Variants in DLGAP2 observed in about 807,000 individuals in gnomAD.
DLGAP2 encodes disks large-associated protein 2.
DLGAP2 carries 26 observed loss-of-function variants against 100.3 expected under a neutral mutation model. The observed-to-expected ratio is 0.26, with a 90% CI of 0.19 to 0.36. DLGAP2 has a LOEUF of 0.36. Ranked by LOEUF, DLGAP2 falls within the 10% of genes least tolerant of loss-of-function variation. DLGAP2 has a pLI of 1.00. For synonymous variants in DLGAP2, 886 were observed against 630.1 expected, an observed-to-expected ratio of 1.41 and a Z score of -6.08; for missense variants, 1,858 against 1,453.2, an observed-to-expected ratio of 1.28 and a Z score of -4.53.
chr8:1,105,341 T>A (rs1478321083), intron 2 of DLGAP2, among the ~76,000 whole-genome samples: 1 of 152,232 alleles, frequency 6.6e-6, no homozygotes, highest in Non-Finnish European at 1.5e-5. Context: ...TCTCATGTTG[T>A]GGGGATTAAC....
chr8:780,233 A>G lies in DLGAP2; in HGVS notation c.18+42408A>G, dbSNP rs138509211. Among the ~76,000 whole-genome samples the G allele has an allele frequency of 6.7e-3, 1,015 of 152,150 alleles. 9 individuals carry two copies. The highest frequency in any genetic ancestry group is 0.023 in the African/African-American group (956 of 41,480). On this transcript the variant is annotated intron_variant, in intron 1 of 14. Transcript: ENST00000637795. ...TTTTCAGATTCCACATATCCGTGAG[A>G]TCATGAGGCATCTGTCTTTATGTGC...
intron 2 of DLGAP2, among the ~76,000 whole-genome samples, chr8:1,218,795 C>G (rs1454943252): frequency 1.3e-5 from 2 of 152,006 alleles, no homozygotes; most frequent in Non-Finnish European, 2.9e-5. Context: ...TGTTTCATCT[C>G]TAATATCTTT....
chr8:1,416,279 T>C (rs1396663926), intron 3 of DLGAP2, among the ~76,000 whole-genome samples: 1 of 152,156 alleles, frequency 6.6e-6, no homozygotes, highest in African/African-American at 2.4e-5. Flanking sequence ...CGGGGGATTG[T>C]AGGTTCCCGT....
chr8:1,188,547 G>C (rs1314460524), intron 2 of DLGAP2, among the ~76,000 whole-genome samples: 231 of 85,958 alleles, frequency 2.7e-3, no homozygotes, highest in Middle Eastern at 0.021. Flanking sequence ...CGGAATCTCA[G>C]ACGCCCGGGA....
At chr8:772,052 C>G (rs1821377604) in intron 1 of DLGAP2, among the ~76,000 whole-genome samples, 1 of 151,956 alleles carries the variant, frequency 6.6e-6, no homozygotes, top group Non-Finnish European at 1.5e-5. Flanking sequence ...AAGGCATGCA[C>G]CACTATGCCT....
intron 6 of DLGAP2, among the ~76,000 whole-genome samples, chr8:1,624,337 G>A (rs1383421059): frequency 1.3e-5 from 2 of 152,104 alleles, no homozygotes. Flanking sequence ...AGACAAAGGT[G>A]AGTCAAGTTA....
At chr8:1,092,135 C>A (rs1336321082) in intron 2 of DLGAP2, among the ~76,000 whole-genome samples, 1 of 152,160 alleles carries the variant, frequency 6.6e-6, no homozygotes, top group African/African-American at 2.4e-5. Context: ...CCCTTCATAC[C>A]CAGAACAGGC....
chr8:1,195,871 A>G (rs1158831266), intron 2 of DLGAP2, among the ~76,000 whole-genome samples: 1 of 152,168 alleles, frequency 6.6e-6, no homozygotes, highest in African/African-American at 2.4e-5. Context: ...AATGAGGGTC[A>G]TTTTTCTTAA....
intron 3 of DLGAP2, among the ~76,000 whole-genome samples, chr8:1,416,689 A>T (rs4976884): frequency 0.25 from 38,508 of 152,046 alleles, 5,361 homozygotes; most frequent in South Asian, 0.31. Context: ...AGTGTCTATC[A>T]GGTCACTTAA....
At chr8:780,878 C>G (rs1449064427) in intron 1 of DLGAP2, among the ~76,000 whole-genome samples, 1 of 152,170 alleles carries the variant, frequency 6.6e-6, no homozygotes, top group Non-Finnish European at 1.5e-5. Context: ...AAAGGAATCC[C>G]CCTGTACCAG....
chr8:1,364,605 G>T (rs1293458540), intron 3 of DLGAP2, among the ~76,000 whole-genome samples: 1 of 152,254 alleles, frequency 6.6e-6, no homozygotes, highest in East Asian at 1.9e-4. Flanking sequence ...GGGCCGGCGT[G>T]CCGCCTCTTC....
intron 1 of DLGAP2, among the ~76,000 whole-genome samples, chr8:779,047 C>A (rs1242547567): frequency 1.3e-5 from 2 of 152,224 alleles, no homozygotes; most frequent in African/African-American, 4.8e-5. Context: ...TTGTGGTGTG[C>A]CTTTTTTCAA....
intron 2 of DLGAP2, among the ~76,000 whole-genome samples, chr8:1,128,219 A>C (rs6558415): frequency 4.3e-5 from 4 of 92,726 alleles, no homozygotes; most frequent in South Asian, 3.3e-4. Context: ...CCTGCTCCCC[A>C]TGTTGTGTTC....
chr8:1,309,549 C>T (rs1309539693), intron 3 of DLGAP2, among the ~76,000 whole-genome samples: 2 of 152,146 alleles, frequency 1.3e-5, no homozygotes, highest in African/African-American at 2.4e-5. Flanking sequence ...CCCAGATAAA[C>T]GGAACTTGAG....
In DLGAP2 at chr8:985,236, G is replaced by A. The variant is rs73673043; in HGVS notation, c.73+77270G>A. On this transcript the variant is annotated intron_variant, in intron 2 of 14. Coordinates refer to ENST00000637795, the MANE Select transcript of DLGAP2 (RefSeq NM_001346810.2). ...GTCAAGATACAAGGTCCGAAGGCCT[G>A]GCTCAGCTCTCCACACCCACTGTCC... is the stretch of plus-strand genomic sequence containing the variant. Among the ~76,000 whole-genome samples the A allele has an allele frequency of 5.2e-3, 786 of 152,318 alleles. 8 individuals carry two copies. The highest frequency in any genetic ancestry group is 0.017 in the African/African-American group (726 of 41,576).
chr8:1,520,246 C>T (rs1041622703), intron 4 of DLGAP2, among the ~76,000 whole-genome samples: 2 of 152,126 alleles, frequency 1.3e-5, no homozygotes, highest in Non-Finnish European at 2.9e-5. Context: ...CCCCGGAGCT[C>T]ATGGTTCACA....
At chr8:1,001,184 T>C (rs1800945179) in intron 2 of DLGAP2, among the ~76,000 whole-genome samples, 1 of 152,198 alleles carries the variant, frequency 6.6e-6, no homozygotes, top group African/African-American at 2.4e-5. Context: ...ATAATGTTTT[T>C]GGAGGAGACT....
chr8:1,007,755 T>A (rs1801164003), intron 2 of DLGAP2, among the ~76,000 whole-genome samples: 1 of 152,192 alleles, frequency 6.6e-6, no homozygotes, highest in South Asian at 2.1e-4. Flanking sequence ...GATTTGGGTG[T>A]ATAGTGAACT....
rs1799399542 is a variant in DLGAP2 at position 1,263,851 on chromosome 8, TG to T, written c.106+4969del. On this transcript the variant is annotated intron_variant, in intron 3 of 14. Coordinates refer to ENST00000637795, the MANE Select transcript of DLGAP2 (RefSeq NM_001346810.2). ...ACCACAGCTCTTTAATTGAATGCTT[TG>T]TATAAAAATGATCTTTTCTGATTGC... is the stretch of plus-strand genomic sequence containing the variant. 2.6e-5 allele frequency among the ~76,000 whole-genome samples: 4 copies of T among 152,298 alleles called. No individual in the cohort carries two copies. The South Asian group carries it at 8.3e-4, about 32-fold the overall frequency.
Sources: allele counts gnomAD v4.1 joint callset (sites outside exome capture counted in the v4.1 genomes callset), GRCh38; gene constraint gnomAD v4.1.1; transcripts MANE v1.5; gene names NCBI Gene and HGNC (gene_info 2026-07-23, HGNC 2026-07-21).